The following ZNF91 variants were observed in gnomAD, a reference collection of about 807,000 sequenced individuals.
ZNF91 encodes zinc finger protein 91 (HPF7, HTF10).
In ZNF91, 7 loss-of-function variants were observed where a neutral mutation model predicts 12.6. The ratio of observed to expected loss-of-function variants is 0.55; its 90% CI spans 0.31 to 1.04. ZNF91 has a LOEUF of 1.04. ZNF91 is among the 50% of genes least tolerant of loss of function. ZNF91 has a pLI of 0.05. For synonymous variants in ZNF91, 453 were observed against 462.6 expected, an observed-to-expected ratio of 0.98 and a Z score of 0.27; for missense variants, 1,217 against 1,385.4, an observed-to-expected ratio of 0.88 and a Z score of 1.93.
chr19:23,320,128 AGACACAGTCTACAGAT>A (rs1326893033), intron 1 of ZNF91, among the ~76,000 whole-genome samples: 1 of 152,198 alleles, frequency 6.6e-6, no homozygotes, highest in Non-Finnish European at 1.5e-5. Flanking sequence ...TCTCACACGT[AGACACAGTCTACAGAT>A]GGAATTGTGT....
chr19:23,342,673 A>G (rs1968149039), intron 3 of ZNF91, among the ~76,000 whole-genome samples: 1 of 152,210 alleles, frequency 6.6e-6, no homozygotes, highest in Non-Finnish European at 1.5e-5. Context: ...TCTAAAAATA[A>G]TTTATGCAGA....
chr19:23,341,536 TAAC>T (rs543030356), intron 3 of ZNF91, among the ~76,000 whole-genome samples: 16 of 152,120 alleles, frequency 1.1e-4, no homozygotes, highest in African/African-American at 3.1e-4. Context: ...AGTATAATAA[TAAC>T]AATAATAATC....
downstream of ZNF91, among the ~76,000 whole-genome samples, chr19:23,355,938 C>A (rs959817627): frequency 6.6e-6 from 1 of 151,996 alleles, no homozygotes; most frequent in Admixed American, 6.6e-5. Context: ...GCAAATCAAA[C>A]CCACAATGCG....
Position 23,394,111 on chromosome 19 carries a change from C to T in ZNF91, c.30+1214G>A, listed in dbSNP as rs558868213. Reference sequence around the variant, plus strand: ...TGGCATTTGGGAATGTCAGACGAAACTGGAAATTTAGTATTTTACTGCAAG... The same window carrying T: ...TGGCATTTGGGAATGTCAGACGAAATTGGAAATTTAGTATTTTACTGCAAG... On this transcript the variant is annotated intron_variant, in intron 1 of 3. Coordinates refer to ENST00000300619, the MANE Select transcript of ZNF91 (RefSeq NM_003430.4). Among the ~76,000 whole-genome samples the T allele has an allele frequency of 3.7e-4, 57 of 152,190 alleles. 1 individual carries two copies. In the Middle Eastern group the frequency reaches 0.014, roughly 36 times the overall value.
In ZNF91 at chr19:23,360,969, G is replaced by A. The variant is rs546037075; in HGVS notation, c.2010C>T (p.Ser670=). The A allele has an allele frequency of 1.2e-6, 2 of 1,612,648 alleles. No homozygotes were observed. Among genetic ancestry groups the A allele is most frequent in the Non-Finnish European group, 1.7e-6 (2 of 1,179,424 alleles). ...CKECGKAFSN[S]STLANHKITH... ...TTATCTTATGATTAGCAAGGGTTGA[G>A]GAATTGCTAAAAGCTTTGCCACATT... The change falls in exon 4 of 4, where the codon TCC becomes TCT. Residue 670 remains serine (S), a synonymous_variant. Coordinates refer to ENST00000300619, the MANE Select transcript of ZNF91 (RefSeq NM_003430.4).
At chr19:23,323,642 C>A (rs1261106388) in intron 1 of ZNF91, among the ~76,000 whole-genome samples, 1 of 135,796 alleles carries the variant, frequency 7.4e-6, no homozygotes, top group Non-Finnish European at 1.5e-5. Context: ...TCCTCCTTCT[C>A]TTCTCCTCTC....
At chr19:23,317,728 C>A (rs1193232988) in intron 1 of ZNF91, among the ~76,000 whole-genome samples, 2 of 152,108 alleles carry the variant, frequency 1.3e-5, no homozygotes, top group African/African-American at 2.4e-5. Flanking sequence ...GGTGACTCTC[C>A]GTCCAAGATT....
chr19:23,395,233 T>C, intron 1 of ZNF91, 92 bp downstream of exon 1: 2 of 1,501,148 alleles, frequency 1.3e-6, no homozygotes, highest in Non-Finnish European at 1.8e-6. Flanking sequence ...TGGAGCTGAC[T>C]GAAGGAAGGC....
downstream of ZNF91, among the ~76,000 whole-genome samples, chr19:23,337,143 T>C (rs1968026734): frequency 6.6e-6 from 1 of 152,220 alleles, no homozygotes; most frequent in Middle Eastern, 3.4e-3. Flanking sequence ...CCCTACCTTC[T>C]TACTCTTTCA....
At chr19:23,374,153 G>A (rs1169203284) in intron 2 of ZNF91, among the ~76,000 whole-genome samples, 1 of 151,968 alleles carries the variant, frequency 6.6e-6, no homozygotes, top group Non-Finnish European at 1.5e-5. Flanking sequence ...CAGGAATGTG[G>A]AAAGTTCAGG....
At chr19:23,393,860 CGTGGTCGTGGGCACCTGTAA>C (rs1334904414) in intron 1 of ZNF91, among the ~76,000 whole-genome samples, 1 of 151,976 alleles carries the variant, frequency 6.6e-6, no homozygotes, top group Non-Finnish European at 1.5e-5. Context: ...ATTAGCCAGA[CGTGGTCGTGGGCACCTGTAA>C]GTCCAGCTAC....
downstream of ZNF91, among the ~76,000 whole-genome samples, chr19:23,335,934 T>TA (rs1968000889): frequency 6.6e-6 from 1 of 152,182 alleles, no homozygotes; most frequent in Non-Finnish European, 1.5e-5. Flanking sequence ...GAGCTGTTCC[T>TA]ATTCGGCCAT....
intron 2 of ZNF91, chr19:23,308,819 G>C (rs1967431042): frequency 6.6e-6 from 1 of 152,022 alleles, no homozygotes. Flanking sequence ...CTTCTTAGGG[G>C]CATTTGTGAC....
chr19:23,348,050 C>G (rs927989900), intron 3 of ZNF91, among the ~76,000 whole-genome samples: 1 of 152,152 alleles, frequency 6.6e-6, no homozygotes, highest in Non-Finnish European at 1.5e-5. Context: ...ACAAATTACC[C>G]AAGGCATCTC....
At chr19:23,347,184 C>T (rs1433760068) in intron 3 of ZNF91, among the ~76,000 whole-genome samples, 1 of 152,116 alleles carries the variant, frequency 6.6e-6, no homozygotes, top group Non-Finnish European at 1.5e-5. Context: ...GAACTCATCA[C>T]CCTCATTCGA....
chr19:23,362,502 A>G lies in ZNF91; in HGVS notation c.477T>C (p.Tyr159=). Reference sequence around the variant, plus strand: ...TTAAAAATTTATAGAAGACTTTCAAATATTTCCCACATTGAAATACTTTGC... The same window carrying G: ...TTAAAAATTTATAGAAGACTTTCAAGTATTTCCCACATTGAAATACTTTGC... ...AQSKVFQCGK[Y]LKVFYKFLNS... The change falls in exon 4 of 4, where the codon TAT becomes TAC. Residue 159 remains tyrosine, a synonymous_variant. Coordinates refer to ENST00000300619, the MANE Select transcript of ZNF91 (RefSeq NM_003430.4). The G allele has an allele frequency of 9.4e-6, 15 of 1,603,140 alleles. No homozygotes were observed. Among genetic ancestry groups the G allele is most frequent in the Non-Finnish European group, 1.2e-5 (14 of 1,176,022 alleles).
chr19:23,388,744 G>A (rs1035488324), intron 1 of ZNF91, among the ~76,000 whole-genome samples: 1 of 152,064 alleles, frequency 6.6e-6, no homozygotes, highest in Non-Finnish European at 1.5e-5. Flanking sequence ...ATGGTGGTGG[G>A]CACCTGTAAT....
intron 3 of ZNF91, among the ~76,000 whole-genome samples, chr19:23,367,706 G>C (rs1322633452): frequency 6.6e-6 from 1 of 152,118 alleles, no homozygotes; most frequent in Non-Finnish European, 1.5e-5. Flanking sequence ...AAAGAACAGA[G>C]TAGAGAGGCC....
At chr19:23,343,174 C>T (rs1193651556) in intron 3 of ZNF91, among the ~76,000 whole-genome samples, 4 of 152,136 alleles carry the variant, frequency 2.6e-5, no homozygotes, top group Admixed American at 1.3e-4. Flanking sequence ...ACATTATACA[C>T]AGTAAGTTCT....
Sources: gnomAD v4.1 joint callset for allele counts (sites outside exome capture counted in the v4.1 genomes callset) on GRCh38, gnomAD v4.1.1 for gene constraint, MANE v1.5 for transcripts, NCBI Gene and HGNC (gene_info 2026-07-23, HGNC 2026-07-21) for gene names.